APP: variants seen among roughly 807,000 people sequenced by gnomAD.
APP encodes amyloid beta precursor protein, also known as amyloid-beta precursor protein.
Under a neutral mutation model 101.4 loss-of-function variants are expected in APP, and 31 were observed. That is an observed-to-expected ratio of 0.31 (90% CI 0.23 to 0.41). The LOEUF is 0.41. APP is among the 10% of genes least tolerant of loss of function. The pLI is 1.00. For synonymous variants in APP, 366 were observed against 364.4 expected, an observed-to-expected ratio of 1.00 and a Z score of -0.05; for missense variants, 839 against 1,003.7, an observed-to-expected ratio of 0.84 and a Z score of 2.22.
chr21:26,129,350 A>AG (rs2062746398), intron 1 of APP, among the ~76,000 whole-genome samples: 1 of 152,082 alleles, frequency 6.6e-6, no homozygotes, highest in African/African-American at 2.4e-5. Flanking sequence ...AGCTGCCTGT[A>AG]ATCCCAGCTA....
chr21:25,996,529 C>T (rs1216377405), intron 8 of APP, among the ~76,000 whole-genome samples: 2 of 152,184 alleles, frequency 1.3e-5, no homozygotes, highest in Non-Finnish European at 2.9e-5. Context: ...TTCTTCCTTT[C>T]TTTTCCTTCC....
intron 14 of APP, among the ~76,000 whole-genome samples, chr21:25,909,091 A>G (rs1377654583): frequency 1.3e-5 from 2 of 151,898 alleles, no homozygotes; most frequent in African/African-American, 2.4e-5. Flanking sequence ...GTGAAACCCT[A>G]TCTCTAGTAA....
chr21:26,013,191 C>T (rs986365538), intron 6 of APP, among the ~76,000 whole-genome samples: 2 of 151,992 alleles, frequency 1.3e-5, no homozygotes, highest in Non-Finnish European at 2.9e-5. Context: ...GTTGTGTGCG[C>T]CTGTAATCCC....
Position 26,090,878 on chromosome 21 carries a change from T to C in APP, c.226-806A>G, listed in dbSNP as rs550443811. The stretch of plus-strand genomic sequence containing the variant: ...ATCAAGGGTGTCATTTAGATAAAAA[T>C]AAACTCATGAATTCTCTTTGCTCCT... On this transcript the variant is annotated intron_variant, in intron 2 of 17. Transcript: ENST00000346798. Among the ~76,000 whole-genome samples the C allele has an allele frequency of 9.2e-5, 14 of 152,304 alleles. No homozygotes were observed. The South Asian group carries it at 2.5e-3, about 27-fold the overall frequency.
intron 1 of APP, among the ~76,000 whole-genome samples, chr21:26,135,390 A>C (rs2062874953): frequency 6.6e-6 from 1 of 152,248 alleles, no homozygotes; most frequent in Admixed American, 6.5e-5. Flanking sequence ...AAACTAAGTT[A>C]TTGAATTTTA....
chr21:26,019,530 TTTG>T (rs201727038), intron 6 of APP, among the ~76,000 whole-genome samples: 2,054 of 152,362 alleles, frequency 0.013, 44 homozygotes, highest in African/African-American at 0.047. Flanking sequence ...TTTGTACTTC[TTTG>T]ACTTCTATTT....
intron 3 of APP, among the ~76,000 whole-genome samples, chr21:26,059,112 T>TA (rs528222639): frequency 3.3e-4 from 48 of 146,654 alleles, no homozygotes; most frequent in South Asian, 1.5e-3. Context: ...GACATTAAAA[T>TA]AAAAAAAAAA....
chr21:25,914,769 G>A (rs2039271682), intron 13 of APP, among the ~76,000 whole-genome samples: 1 of 152,062 alleles, frequency 6.6e-6, no homozygotes, highest in Non-Finnish European at 1.5e-5. Flanking sequence ...TAGCCAGGAT[G>A]GTCTCCATCT....
chr21:26,041,429 T>A (rs887912848), intron 5 of APP, among the ~76,000 whole-genome samples: 2 of 152,188 alleles, frequency 1.3e-5, no homozygotes, highest in Non-Finnish European at 2.9e-5. Context: ...TTTCCTACTA[T>A]TTTTAAGCCA....
chr21:25,938,875 C>T (rs1316463234), intron 13 of APP, among the ~76,000 whole-genome samples: 5 of 152,192 alleles, frequency 3.3e-5, no homozygotes, highest in South Asian at 4.1e-4. Flanking sequence ...TTCCCCTGTT[C>T]GTGGATTCCG....
chr21:25,968,932 G>A (rs773348852), intron 11 of APP, among the ~76,000 whole-genome samples: 39 of 152,044 alleles, frequency 2.6e-4, no homozygotes, highest in Admixed American at 2.1e-3. Context: ...TTCCAGGCAC[G>A]GTGGTTAAGT....
At chr21:25,904,714 GTC>G (rs1028522699) in intron 15 of APP, among the ~76,000 whole-genome samples, 2 of 150,912 alleles carry the variant, frequency 1.3e-5, no homozygotes, top group African/African-American at 4.9e-5. Flanking sequence ...GTATATAATC[GTC>G]TCTGTTTTTG....
chr21:25,881,583 C>A lies in APP; in HGVS notation c.*87G>T. The A allele has an allele frequency of 6.9e-7, 1 of 1,458,758 alleles. No homozygotes were observed. The highest frequency in any genetic ancestry group is 9.6e-7 in the Non-Finnish European group (1 of 1,042,540). The allele number at this position is 1,458,758 out of a possible 1,614,324, so 90.4% of individuals were successfully genotyped here. ...AGTAAATCATAAAACGGGTTTGTTT[C>A]TTCCCACATTATTCTATAAATGGAC... is the stretch of plus-strand genomic sequence containing the variant. On this transcript the variant is annotated 3_prime_UTR_variant, in exon 18 of 18. Transcript: ENST00000346798.
chr21:25,921,449 T>C (rs1011889496), intron 13 of APP, among the ~76,000 whole-genome samples: 1 of 147,086 alleles, frequency 6.8e-6, no homozygotes. Context: ...GAGCTGGTTT[T>C]TTGAAAGGAT....
intron 8 of APP, among the ~76,000 whole-genome samples, chr21:25,990,241 G>A (rs1328334014): frequency 6.6e-6 from 1 of 152,206 alleles, no homozygotes; most frequent in Non-Finnish European, 1.5e-5. Flanking sequence ...AATCTATGAT[G>A]TGTTTACTCT....
At chr21:25,943,686 G>A (rs966580393) in intron 13 of APP, among the ~76,000 whole-genome samples, 6 of 151,748 alleles carry the variant, frequency 4.0e-5, no homozygotes, top group Non-Finnish European at 8.8e-5. Flanking sequence ...TGCCTGACTC[G>A]GCCTCCCAAA....
intron 1 of APP, among the ~76,000 whole-genome samples, chr21:26,163,075 AAAAAC>A (rs2063528010): frequency 8.4e-6 from 1 of 119,180 alleles, no homozygotes; most frequent in Non-Finnish European, 1.9e-5. Context: ...TAAAAAAAAA[AAAAAC>A]AAAAACAAAA....
chr21:26,056,413 A>G (rs1054823713), intron 3 of APP, among the ~76,000 whole-genome samples: 1 of 152,182 alleles, frequency 6.6e-6, no homozygotes, highest in South Asian at 2.1e-4. Flanking sequence ...GTTGCCTTGG[A>G]TATTAGGAGT....
intron 13 of APP, among the ~76,000 whole-genome samples, chr21:25,952,241 G>A (rs914069136): frequency 5.2e-5 from 7 of 133,640 alleles, no homozygotes; most frequent in South Asian, 2.3e-4. Context: ...GAGCACATAC[G>A]TAATATGTTC....
Sources: allele counts gnomAD v4.1 joint callset (sites outside exome capture counted in the v4.1 genomes callset), GRCh38; gene constraint gnomAD v4.1.1; transcripts MANE v1.5; gene names NCBI Gene and HGNC (gene_info 2026-07-23, HGNC 2026-07-21).